Variants in ANXA7 observed in about 807,000 individuals in gnomAD.
ANXA7 encodes the protein annexin A7.
A neutral mutation model predicts 64.9 loss-of-function variants in ANXA7; 55 were observed. That is an observed-to-expected ratio of 0.85 (90% CI 0.68 to 1.06). The LOEUF is 1.06. Among genes scored for constraint, ANXA7 ranks in the 50% least tolerant of loss-of-function variants. The probability of loss-of-function intolerance (pLI) is 0.00; values close to 1 mark genes in which losing one functional copy is unlikely to be tolerated. For synonymous variants in ANXA7, 200 were observed against 192.4 expected (o/e 1.04, Z -0.33); for missense variants, 548 against 582.1 (o/e 0.94, Z 0.60).
intron 12 of ANXA7, 29 bp downstream of exon 12, chr10:73,378,881 AC>A: frequency 6.6e-7 from 1 of 1,517,138 alleles, no homozygotes; most frequent in Non-Finnish European, 9.1e-7. Flanking sequence ...ATCAAGTAAG[AC>A]CCGACAAAAA....
chr10:73,400,832 T>G lies in ANXA7; in HGVS notation c.25A>C (p.Thr9Pro). MSYPGYPP[T>P]GYPPFPGYPP... The stretch of plus-strand genomic sequence containing the variant: ...TATCCAGGGAAAGGTGGGTAGCCTG[T>G]TGGGGGATAGCCTGGGTATGACATT... Residue 9 changes from threonine to proline, a missense_variant, in exon 2 of 13, where the codon ACA becomes CCA. Transcript: ENST00000372921. 1 of 1,604,660 alleles carries G rather than the reference T, an allele frequency of 6.2e-7. No individual in the cohort carries two copies. The highest frequency in any genetic ancestry group is 8.5e-7 in the Non-Finnish European group (1 of 1,174,886).
chr10:73,395,166 A>T lies in ANXA7; in HGVS notation c.435+1353T>A, dbSNP rs1356337493. Among the ~76,000 whole-genome samples, 3 of 152,314 alleles carry T rather than the reference A, an allele frequency of 2.0e-5. No homozygotes were observed. The South Asian group carries it at 6.2e-4, about 32-fold the overall frequency. ...CTGGTCTAGAAGGCAGAAGATATAG[A>T]CTAGAATCTTCTCAGCTTTGTCCTT... On this transcript the variant is annotated intron_variant, in intron 5 of 12. Coordinates refer to ENST00000372921, the MANE Select transcript of ANXA7 (RefSeq NM_001156.5).
Position 73,376,972 on chromosome 10 carries a change from A to G in ANXA7, c.1279-755T>C, listed in dbSNP as rs183464525. Reference sequence around the variant, plus strand: ...GTACCTAGAGTAGTCAAACACAGGCACAGAAAGTCACATGGTTTGTTGCCA... The same window carrying G: ...GTACCTAGAGTAGTCAAACACAGGCGCAGAAAGTCACATGGTTTGTTGCCA... On this transcript the variant is annotated intron_variant, in intron 12 of 12. Transcript: ENST00000372921. Among the ~76,000 whole-genome samples the G allele has an allele frequency of 2.0e-5, 3 of 152,314 alleles. No individual in the cohort carries two copies. The East Asian group carries it at 5.8e-4, about 29-fold the overall frequency.
chr10:73,380,217 G>T lies in ANXA7; in HGVS notation c.919-16C>A. 6.3e-7 allele frequency: 1 copy of T among 1,593,208 alleles called. No homozygotes were observed. Among genetic ancestry groups the T allele is most frequent in the Non-Finnish European group, 8.5e-7 (1 of 1,173,958 alleles). ...CACGATTTCCCTGCAAAAGAGAAAG[G>T]CAGGAATTGGAAGAAATAAATAATA... On this transcript the variant is annotated splice_polypyrimidine_tract_variant and intron_variant, in intron 9 of 12. Coordinates refer to ENST00000372921, the MANE Select transcript of ANXA7 (RefSeq NM_001156.5).
intron 1 of ANXA7, among the ~76,000 whole-genome samples, chr10:73,403,598 A>G (rs1298383642): frequency 6.6e-6 from 1 of 152,250 alleles, no homozygotes; most frequent in Non-Finnish European, 1.5e-5. Flanking sequence ...TCTTTTAACT[A>G]TTACAGTCTT....
intron 12 of ANXA7, 41 bp downstream of exon 12, chr10:73,378,870 C>A (rs1461217677): frequency 6.9e-6 from 10 of 1,458,658 alleles, no homozygotes; most frequent in Non-Finnish European, 7.7e-6. Flanking sequence ...CAACATTGAA[C>A]ATCAAGTAAG....
chr10:73,404,510 A>C (rs2132696307), intron 1 of ANXA7, among the ~76,000 whole-genome samples: 1 of 152,300 alleles, frequency 6.6e-6, no homozygotes, highest in Admixed American at 6.5e-5. Flanking sequence ...ATACGATGTC[A>C]GGGATTATGC....
Position 73,388,210 on chromosome 10 carries a change from C to G in ANXA7, c.538+102G>C. On this transcript the variant is annotated intron_variant, in intron 6 of 12. Transcript: ENST00000372921. Reference sequence around the variant, plus strand: ...TCAGATTAAATCCAGGTATGCGCACCCAGGCTGACACATAAACTTGGGTTT... The same window carrying G: ...TCAGATTAAATCCAGGTATGCGCACGCAGGCTGACACATAAACTTGGGTTT... 3 of 802,776 alleles carry G rather than the reference C, an allele frequency of 3.7e-6. No individual in the cohort carries two copies. In the South Asian group the frequency reaches 4.7e-5, roughly 13 times the overall value. 49.7% of individuals were successfully genotyped at this position (802,776 alleles called of 1,614,324 possible).
chr10:73,411,552 T>C (rs1374849338), intron 1 of ANXA7, among the ~76,000 whole-genome samples: 2 of 152,184 alleles, frequency 1.3e-5, no homozygotes, highest in South Asian at 2.1e-4. Context: ...GCGATTCTCC[T>C]GTCTCAGCCT....
intron 12 of ANXA7, among the ~76,000 whole-genome samples, chr10:73,378,377 CAA>C (rs755093944): frequency 0.069 from 4,309 of 62,860 alleles, 79 homozygotes; most frequent in African/African-American, 0.18. Context: ...GACCATGTCT[CAA>C]AAAAAAAAAA....
In ANXA7 at chr10:73,376,163, C is replaced by T; in HGVS notation, c.1333G>A (p.Gly445Ser). Reference protein sequence around the residue: ...MFAQMYQKTLGTMIAGDTSGD... With the variant: ...MFAQMYQKTLSTMIAGDTSGD... ...CTCGTGTCACCTGCAATCATTGTGC[C>T]CAGAGTCTTCTGATACATCTGAGCG... The change falls in exon 13 of 13, where the codon GGC becomes AGC. Residue 445 changes from glycine (G) to serine (S), a missense_variant. Coordinates refer to ENST00000372921, the MANE Select transcript of ANXA7 (RefSeq NM_001156.5). The T allele has an allele frequency of 6.2e-7, 1 of 1,607,800 alleles. No individual in the cohort carries two copies. Among genetic ancestry groups the T allele is most frequent in the African/African-American group, 1.3e-5 (1 of 74,714 alleles).
chr10:73,406,133 T>G (rs1282447860), intron 1 of ANXA7, among the ~76,000 whole-genome samples: 1 of 152,138 alleles, frequency 6.6e-6, no homozygotes, highest in African/African-American at 2.4e-5. Flanking sequence ...TTTATTGTAT[T>G]TTAGTAGAGA....
At chr10:73,393,909 A>G (rs1330644725) in intron 5 of ANXA7, among the ~76,000 whole-genome samples, 4 of 152,244 alleles carry the variant, frequency 2.6e-5, no homozygotes, top group Non-Finnish European at 5.9e-5. Flanking sequence ...AACTACCATC[A>G]GAGTGAACAG....
At chr10:73,409,152 T>C (rs1260948668) in intron 1 of ANXA7, among the ~76,000 whole-genome samples, 2 of 152,226 alleles carry the variant, frequency 1.3e-5, no homozygotes, top group South Asian at 2.1e-4. Flanking sequence ...GACATAGTTC[T>C]GGAAGTATTA....
intron 5 of ANXA7, among the ~76,000 whole-genome samples, chr10:73,394,471 T>A (rs1486917101): frequency 4.6e-5 from 7 of 152,266 alleles, no homozygotes; most frequent in East Asian, 1.9e-4. Flanking sequence ...CAAATGTCCA[T>A]CAATGATAGA....
At chr10:73,391,479 G>T (rs2132671831) in intron 5 of ANXA7, among the ~76,000 whole-genome samples, 1 of 152,104 alleles carries the variant, frequency 6.6e-6, no homozygotes, top group Admixed American at 6.6e-5. Flanking sequence ...GGGCATGCTG[G>T]TGCACAACTA....
intron 1 of ANXA7, among the ~76,000 whole-genome samples, chr10:73,404,974 C>T (rs945999618): frequency 2.6e-5 from 4 of 151,296 alleles, no homozygotes; most frequent in Admixed American, 1.3e-4. Context: ...TAGGGCCGGG[C>T]GCGGTGGCTC....
intron 1 of ANXA7, among the ~76,000 whole-genome samples, chr10:73,410,171 T>A (rs2055816941): frequency 6.6e-6 from 1 of 151,928 alleles, no homozygotes; most frequent in South Asian, 2.1e-4. Context: ...CTAATTAAAC[T>A]AAAAAGCTTC....
In ANXA7 at chr10:73,376,025, T is replaced by C; in HGVS notation, c.*70A>G. On this transcript the variant is annotated 3_prime_UTR_variant, in exon 13 of 13. Coordinates refer to ENST00000372921, the MANE Select transcript of ANXA7 (RefSeq NM_001156.5). ...TTAGCTGATGTTTGATATTGCTGCATGCAGGTCATTGCTCTGAAGGATAAG... is the reference window on the plus strand; with the variant it reads ...TTAGCTGATGTTTGATATTGCTGCACGCAGGTCATTGCTCTGAAGGATAAG... 7.6e-7 allele frequency: 1 copy of C among 1,309,530 alleles called. No homozygotes were observed. The highest frequency in any genetic ancestry group is 1.0e-6 in the Non-Finnish European group (1 of 979,098). The allele number at this position is 1,309,530 out of a possible 1,614,324, so 81.1% of individuals were successfully genotyped here. A position where few individuals can be genotyped will look rare whatever the true frequency, so the allele number is the denominator to read the frequency against.
Sources: gnomAD v4.1 joint callset for allele counts (sites outside exome capture counted in the v4.1 genomes callset) on GRCh38, gnomAD v4.1.1 for gene constraint, MANE v1.5 for transcripts, NCBI Gene and HGNC (gene_info 2026-07-23, HGNC 2026-07-21) for gene names.